Variants in LRP1B observed in about 807,000 individuals in gnomAD.
The protein encoded by LRP1B is LDL receptor related protein 1B.
A neutral mutation model predicts 556.6 loss-of-function variants in LRP1B; 217 were observed. The observed-to-expected ratio is 0.39, with a 90% CI of 0.35 to 0.44. The LOEUF (loss-of-function observed/expected upper bound fraction) is 0.44, where lower values mean the gene tolerates loss of function less well. Ranked by LOEUF, LRP1B falls within the 20% of genes least tolerant of loss-of-function variation. The pLI, the probability that LRP1B is intolerant of heterozygous loss-of-function variation, is 1.00. For synonymous variants in LRP1B, 2,047 were observed against 1,865.8 expected (o/e 1.10, Z -2.50); for missense variants, 5,053 against 5,620.8 (o/e 0.90, Z 3.23).
chr2:141,541,862 C>T (rs1418492376), intron 2 of LRP1B, among the ~76,000 whole-genome samples: 1 of 151,964 alleles, frequency 6.6e-6, no homozygotes, highest in Admixed American at 6.6e-5. Flanking sequence ...AAGAAGTTCT[C>T]ATGTGAGGAA....
chr2:141,560,776 A>G (rs1326321333), intron 2 of LRP1B, among the ~76,000 whole-genome samples: 2 of 151,600 alleles, frequency 1.3e-5, no homozygotes, highest in African/African-American at 4.8e-5. Context: ...AGGTCAGAAG[A>G]TTTAGTAATA....
intron 66 of LRP1B, among the ~76,000 whole-genome samples, chr2:140,419,200 A>G (rs1350673558): frequency 6.6e-6 from 1 of 152,212 alleles, no homozygotes; most frequent in Non-Finnish European, 1.5e-5. Context: ...AAAGAATATC[A>G]CCAGATATAA....
chr2:140,945,626 T>C (rs142006620), intron 20 of LRP1B, among the ~76,000 whole-genome samples: 513 of 152,212 alleles, frequency 3.4e-3, no homozygotes, highest in Middle Eastern at 0.017. Context: ...CCGTATTCAA[T>C]AAATGGCGTT....
At chr2:141,578,695 T>C (rs1264276614) in intron 2 of LRP1B, among the ~76,000 whole-genome samples, 1 of 152,212 alleles carries the variant, frequency 6.6e-6, no homozygotes, top group Non-Finnish European at 1.5e-5. Flanking sequence ...AATGCCCTGT[T>C]GACTGATGCA....
chr2:141,490,554 T>C (rs374653840), intron 2 of LRP1B, among the ~76,000 whole-genome samples: 29 of 152,124 alleles, frequency 1.9e-4, no homozygotes, highest in African/African-American at 6.8e-4. Context: ...TAAAAAATAT[T>C]GTGTGGACAT....
At chr2:141,451,303 T>C (rs1006298803) in intron 3 of LRP1B, among the ~76,000 whole-genome samples, 1 of 152,204 alleles carries the variant, frequency 6.6e-6, no homozygotes. Flanking sequence ...ATGTTTTAAG[T>C]GTGTACTCTT....
At chr2:141,432,244 A>G (rs1323216622) in intron 3 of LRP1B, among the ~76,000 whole-genome samples, 1 of 152,132 alleles carries the variant, frequency 6.6e-6, no homozygotes, top group Non-Finnish European at 1.5e-5. Flanking sequence ...TATTAATATT[A>G]ACACTAATTT....
intron 2 of LRP1B, among the ~76,000 whole-genome samples, chr2:141,578,390 C>T (rs1462916130): frequency 1.4e-5 from 2 of 145,692 alleles, no homozygotes; most frequent in African/African-American, 5.0e-5. Context: ...GGGCGAGAGT[C>T]CTTCTCAAAA....
intron 2 of LRP1B, among the ~76,000 whole-genome samples, chr2:141,578,150 C>T (rs1354299839): frequency 6.6e-6 from 1 of 152,060 alleles, no homozygotes; most frequent in African/African-American, 2.4e-5. Context: ...AATCCGAGCA[C>T]TTTGGGAGGC....
chr2:140,785,210 T>C (rs1292711230), intron 32 of LRP1B, among the ~76,000 whole-genome samples: 1 of 152,174 alleles, frequency 6.6e-6, no homozygotes, highest in Non-Finnish European at 1.5e-5. Flanking sequence ...ATTAATGAAA[T>C]GTAAACATAA....
intron 2 of LRP1B, among the ~76,000 whole-genome samples, chr2:141,515,354 C>T (rs989704069): frequency 6.0e-5 from 9 of 149,724 alleles, no homozygotes; most frequent in African/African-American, 1.5e-4. Flanking sequence ...ATACTGTAAA[C>T]ATTCATGACC....
At chr2:141,247,110 G>T in intron 5 of LRP1B, 116 bp downstream of exon 5, 1 of 1,169,120 alleles carries the variant, frequency 8.6e-7, no homozygotes, top group South Asian at 1.3e-5. Flanking sequence ...TAAAATGAAA[G>T]CAAATCTCTC....
At chr2:141,127,132 AGCTTGCTGAGAAT>A (rs1701235530) in intron 7 of LRP1B, among the ~76,000 whole-genome samples, 1 of 151,238 alleles carries the variant, frequency 6.6e-6, no homozygotes, top group South Asian at 2.1e-4. Context: ...TGCCTGTGTT[AGCTTGCTGAGAAT>A]GATGGCCAGT....
intron 67 of LRP1B, among the ~76,000 whole-genome samples, chr2:140,383,460 C>G (rs1683625956): frequency 6.6e-6 from 1 of 151,978 alleles, no homozygotes; most frequent in Non-Finnish European, 1.5e-5. Context: ...ATTCTTTTCT[C>G]GTTCTTTATT....
chr2:141,658,843 G>A (rs1182310414), intron 2 of LRP1B, among the ~76,000 whole-genome samples: 1 of 152,030 alleles, frequency 6.6e-6, no homozygotes, highest in Non-Finnish European at 1.5e-5. Context: ...CTGGGTGAAG[G>A]GACACTGAGA....
At chr2:141,112,569 A>G (rs1363641358) in intron 7 of LRP1B, among the ~76,000 whole-genome samples, 1 of 152,202 alleles carries the variant, frequency 6.6e-6, no homozygotes, top group Admixed American at 6.5e-5. Context: ...AAATAATGCT[A>G]TTTGTGAGTT....
At chr2:141,043,256 A>G (rs1428197628) in intron 11 of LRP1B, among the ~76,000 whole-genome samples, 1 of 129,266 alleles carries the variant, frequency 7.7e-6, no homozygotes, top group Non-Finnish European at 1.7e-5. Flanking sequence ...ATAAATAAAT[A>G]AAATAAAAAG....
At chr2:140,273,822 T>C (rs967515114) in intron 85 of LRP1B, among the ~76,000 whole-genome samples, 12 of 152,126 alleles carry the variant, frequency 7.9e-5, no homozygotes, top group African/African-American at 2.6e-4. Flanking sequence ...CGCAATGTTC[T>C]GTTTTCCATT....
intron 3 of LRP1B, among the ~76,000 whole-genome samples, chr2:141,374,738 T>C (rs1689364858): frequency 6.6e-6 from 1 of 152,204 alleles, no homozygotes; most frequent in Non-Finnish European, 1.5e-5. Flanking sequence ...CTTTCTTATC[T>C]CCTTGGTAAA....
Sources: allele counts gnomAD v4.1 joint callset (sites outside exome capture counted in the v4.1 genomes callset), GRCh38; gene constraint gnomAD v4.1.1; transcripts MANE v1.5; gene names NCBI Gene and HGNC (gene_info 2026-07-23, HGNC 2026-07-21).